The following ATP2A1 variants were observed in gnomAD, a reference collection of about 807,000 sequenced individuals.
ATP2A1 encodes the protein ATPase sarcoplasmic/endoplasmic reticulum Ca2+ transporting 1.
ATP2A1 carries 83 observed loss-of-function variants against 109.5 expected under a neutral mutation model. That is an observed-to-expected ratio of 0.76 (90% confidence interval 0.63 to 0.91). ATP2A1 has a LOEUF of 0.91. Among genes scored for constraint, ATP2A1 ranks in the 40% least tolerant of loss-of-function variants. The pLI is 0.00. For synonymous variants in ATP2A1, 505 were observed against 537.6 expected, an observed-to-expected ratio of 0.94 and a Z score of 0.84; for missense variants, 1,101 against 1,341.0, an observed-to-expected ratio of 0.82 and a Z score of 2.80.
At position 28,880,561 on chromosome 16, in the gene ATP2A1, T is replaced by G. The variant is rs2152198154; in HGVS notation, c.220-354T>G. On this transcript the variant is annotated intron_variant, in intron 3 of 22. Coordinates refer to ENST00000395503, the MANE Select transcript of ATP2A1 (RefSeq NM_004320.6). The surrounding 1 kb of genome is among the most constrained non-coding windows in gnomAD (Gnocchi z 4.2). ...AGACCGCCTGCGAAGACCACAGGGT[T>G]TTTCCTCTCGGGTTTTGGCTCCCGT... Among the ~76,000 whole-genome samples, 1 of 152,328 alleles carries G rather than the reference T, an allele frequency of 6.6e-6. No individual in the cohort carries two copies.
rs1963517452 is a variant in ATP2A1 at position 28,882,553 on chromosome 16, CGGGACATCGTCCCTG to C, written c.438_452del (p.Pro147_Val151del). Reference sequence around the variant, plus strand: ...CAAGTCAGTGCAAAGGATCAAGGCTCGGGACATCGTCCCTGGGGACATCGTGGAGGTGGCTGGTGA... The same window carrying C: ...CAAGTCAGTGCAAAGGATCAAGGCTCGGGACATCGTGGAGGTGGCTGGTGA... On this transcript the variant is annotated inframe_deletion, in exon 5 of 23. Transcript: ENST00000395503. The C allele has an allele frequency of 1.2e-6, 2 of 1,614,204 alleles. No individual in the cohort carries two copies. The highest frequency in any genetic ancestry group is 1.7e-6 in the Non-Finnish European group (2 of 1,180,012).
chr16:28,887,176 C>T lies in ATP2A1; in HGVS notation c.545-13C>T. 6.2e-7 allele frequency: 1 copy of T among 1,613,688 alleles called. No homozygotes were observed. Among genetic ancestry groups the T allele is most frequent in the Non-Finnish European group, 8.5e-7 (1 of 1,179,862 alleles). On this transcript the variant is annotated splice_polypyrimidine_tract_variant and intron_variant, in intron 6 of 22. Transcript: ENST00000395503. ...TGATGTCATCCGAAAACCCCTTGGC[C>T]CCTTCTCCACAGGCGAGTCTGTATC...
intron 9 of ATP2A1, among the ~76,000 whole-genome samples, chr16:28,893,642 T>TG (rs1470711564): frequency 7.4e-6 from 1 of 135,812 alleles, no homozygotes; most frequent in Non-Finnish European, 1.5e-5. Flanking sequence ...CACTCGTTTG[T>TG]GGGTTTTTTT....
At chr16:28,896,416 C>T (rs1182315588) in intron 12 of ATP2A1, among the ~76,000 whole-genome samples, 2 of 149,588 alleles carry the variant, frequency 1.3e-5, no homozygotes, top group East Asian at 4.0e-4. Flanking sequence ...TTAGTAGAGA[C>T]GAGTTTTTTT....
intron 14 of ATP2A1, among the ~76,000 whole-genome samples, chr16:28,899,588 G>C (rs921568815): frequency 2.1e-5 from 3 of 145,548 alleles, no homozygotes; most frequent in Non-Finnish European, 3.0e-5. Flanking sequence ...GCAGTGAGCA[G>C]AGATCGTGCC....
intron 14 of ATP2A1, among the ~76,000 whole-genome samples, chr16:28,899,647 GCCC>G (rs1373771764): frequency 8.6e-5 from 1 of 11,688 alleles, no homozygotes; most frequent in Non-Finnish European, 1.3e-4. Context: ...CCCTGCGCCC[GCCC>G]CCCCCCCCCC....
chr16:28,878,533 A>C lies in ATP2A1; in HGVS notation c.-139A>C. The C allele has an allele frequency of 3.8e-6, 3 of 785,860 alleles. No homozygotes were observed. The highest frequency in any genetic ancestry group is 4.3e-6 in the Non-Finnish European group (2 of 465,730). 48.7% of individuals were successfully genotyped at this position (785,860 alleles called of 1,614,324 possible). ...CGGGGGTCAGAGCTTTGTGGAGGGA[A>C]GAAAAACCTGGAGGGGGCAGGAGAG... On this transcript the variant is annotated 5_prime_UTR_variant, in exon 1 of 23. Transcript: ENST00000395503.
intron 15 of ATP2A1, 84 bp downstream of exon 15, chr16:28,901,000 G>T: frequency 6.5e-7 from 1 of 1,528,988 alleles, no homozygotes; most frequent in Non-Finnish European, 9.0e-7. Context: ...CCCAGGGCCA[G>T]AGGGCCCTGG....
At chr16:28,890,292 CAAAAAAAAA>C (rs767608802) in intron 9 of ATP2A1, among the ~76,000 whole-genome samples, 1 of 74,388 alleles carries the variant, frequency 1.3e-5, no homozygotes, top group Non-Finnish European at 2.8e-5. Context: ...CCGTCTCTAC[CAAAAAAAAA>C]AAAAAAAAAA....
chr16:28,881,323 G>A (rs1020662855), intron 4 of ATP2A1, among the ~76,000 whole-genome samples: 1 of 152,218 alleles, frequency 6.6e-6, no homozygotes, highest in Non-Finnish European at 1.5e-5. Flanking sequence ...CTGGCACACA[G>A]TAGGAATTCA....
chr16:28,900,771 C>T lies in ATP2A1; in HGVS notation c.1955C>T (p.Ala652Val). 1 of 1,614,210 alleles carries T rather than the reference C, an allele frequency of 6.2e-7. No homozygotes were observed. Among genetic ancestry groups the T allele is most frequent in the South Asian group, 1.1e-5 (1 of 91,082 alleles). Residue 652 changes from alanine (A) to valine (V), a missense_variant, in exon 15 of 23, where the codon GCC (alanine) becomes GTC (valine). By Grantham distance (64) the Ala-to-Val change is moderately conservative (BLOSUM62 0). Coordinates refer to ENST00000395503, the MANE Select transcript of ATP2A1 (RefSeq NM_004320.6). ...GAGAACGAGGAGGTGGCCGATCGCG[C>T]CTACACGGGCCGAGAGTTCGACGAC... ...FGENEEVADR[A>V]YTGREFDDLP... is the part of the protein sequence containing the mutation.
In ATP2A1 at chr16:28,901,888, C is replaced by T; in HGVS notation, c.2126C>T (p.Pro709Leu). The change falls in exon 16 of 23, where the codon CCT becomes CTT. Residue 709 changes from proline (P) to leucine (L), a missense_variant. By Grantham distance (98) the Pro-to-Leu change is moderately conservative (BLOSUM62 -3). Coordinates refer to ENST00000395503, the MANE Select transcript of ATP2A1 (RefSeq NM_004320.6). ...AMTGDGVNDA[P>L]ALKKAEIGIA... Reference sequence around the variant, plus strand: ...ACAGGTGATGGCGTCAATGACGCCCCTGCCCTGAAGAAGGCTGAGATTGGC... The same window carrying T: ...ACAGGTGATGGCGTCAATGACGCCCTTGCCCTGAAGAAGGCTGAGATTGGC... 1 of 1,614,156 alleles carries T rather than the reference C, an allele frequency of 6.2e-7. No individual in the cohort carries two copies. Among genetic ancestry groups the T allele is most frequent in the Non-Finnish European group, 8.5e-7 (1 of 1,179,996 alleles).
In ATP2A1 at chr16:28,904,184, A is replaced by C; in HGVS notation, c.*42A>C. On this transcript the variant is annotated 3_prime_UTR_variant, in exon 23 of 23. Coordinates refer to ENST00000395503, the MANE Select transcript of ATP2A1 (RefSeq NM_004320.6). ...CCCTTCTCTTTCCCCTTCCAGATCC[A>C]GAAGATGAAAGAAGGAAGTGAGCAT... The C allele has an allele frequency of 6.2e-7, 1 of 1,611,598 alleles. No individual in the cohort carries two copies. The highest frequency in any genetic ancestry group is 1.7e-4 in the Middle Eastern group (1 of 6,052).
At chr16:28,881,164 G>GT (rs2152198865) in intron 4 of ATP2A1, 145 bp downstream of exon 4, 1 of 865,990 alleles carries the variant, frequency 1.2e-6, no homozygotes, top group African/African-American at 1.7e-5. Context: ...GGGATGGAGT[G>GT]TGGGGAAGAG....
At position 28,903,876 on chromosome 16, in the gene ATP2A1, G is replaced by A. The variant is rs1016178283; in HGVS notation, c.*37+135G>A. On this transcript the variant is annotated intron_variant, in intron 22 of 22. Transcript: ENST00000395503. The surrounding 1 kb of genome is among the most constrained non-coding windows in gnomAD (Gnocchi z 5.6). ...GAGCCGTTGCCACTGCTGCTGCTGC[G>A]CTTCCAGTCAGGGTGGGCCGCTGGC... is the stretch of plus-strand genomic sequence containing the variant. 93 of 929,602 alleles carry A rather than the reference G, an allele frequency of 1.0e-4. No homozygotes were observed. The highest frequency in any genetic ancestry group is 1.0e-4 in the Non-Finnish European group (59 of 577,458). The allele number at this position is 929,602 out of a possible 1,614,324, so 57.6% of individuals were successfully genotyped here.
At chr16:28,891,649 T>C (rs1358031463) in intron 9 of ATP2A1, among the ~76,000 whole-genome samples, 4 of 145,250 alleles carry the variant, frequency 2.8e-5, no homozygotes, top group East Asian at 2.1e-4. Context: ...CCTAGCACTT[T>C]GGGAGGCCAA....
intron 8 of ATP2A1, 115 bp downstream of exon 8, chr16:28,887,837 G>A (rs1963657300): frequency 8.0e-6 from 11 of 1,372,974 alleles, no homozygotes; most frequent in South Asian, 3.7e-5. Context: ...GTCTTGCTCT[G>A]TCACCCAGGC....
chr16:28,879,360 T>G (rs376404877), intron 2 of ATP2A1, 141 bp from the exon 3 acceptor site: 3 of 922,242 alleles, frequency 3.3e-6, no homozygotes, highest in Non-Finnish European at 3.5e-6. Context: ...CAGGCGAGCT[T>G]CTTAGCCCTT....
At chr16:28,894,042 G>A in intron 9 of ATP2A1, 113 bp from the exon 10 acceptor site, 1 of 848,298 alleles carries the variant, frequency 1.2e-6, no homozygotes, top group South Asian at 1.5e-5. Flanking sequence ...GGGGTGAGTA[G>A]GAGGGAAATG....
Sources: allele counts gnomAD v4.1 joint callset (sites outside exome capture counted in the v4.1 genomes callset), GRCh38; gene constraint gnomAD v4.1.1; non-coding constraint Gnocchi (gnomAD v3.1); transcripts MANE v1.5; gene names NCBI Gene and HGNC (gene_info 2026-07-23, HGNC 2026-07-21).